Variants in CHST11 observed in about 807,000 individuals in gnomAD.
CHST11 encodes the protein C4S-1.
A neutral mutation model predicts 30.4 loss-of-function variants in CHST11; 9 were observed. The ratio of observed to expected loss-of-function variants is 0.30; its 90% CI spans 0.18 to 0.52. The LOEUF is 0.52. Ranked by LOEUF, CHST11 falls within the 20% of genes least tolerant of loss-of-function variation. The pLI is 0.97. For synonymous variants in CHST11, 152 were observed against 187.8 expected (o/e 0.81, Z 1.56); for missense variants, 348 against 460.6 (o/e 0.76, Z 2.24).
At chr12:104,545,579 G>C (rs191663049) in intron 1 of CHST11, among the ~76,000 whole-genome samples, 2 of 152,308 alleles carry the variant, frequency 1.3e-5, no homozygotes, top group Non-Finnish European at 2.9e-5. Flanking sequence ...TACTATCACT[G>C]TACCAGGTTC....
At chr12:104,699,238 C>A (rs971912890) in intron 2 of CHST11, among the ~76,000 whole-genome samples, 2 of 152,204 alleles carry the variant, frequency 1.3e-5, no homozygotes, top group East Asian at 3.8e-4. Flanking sequence ...CAGATCTGTG[C>A]TTTCCAGTAT....
intron 2 of CHST11, among the ~76,000 whole-genome samples, chr12:104,664,030 C>T (rs1184370018): frequency 6.6e-6 from 1 of 152,198 alleles, no homozygotes; most frequent in Non-Finnish European, 1.5e-5. Context: ...AGATAGGGAC[C>T]TCCATCTTAT....
intron 2 of CHST11, among the ~76,000 whole-genome samples, chr12:104,691,427 G>T (rs2039895190): frequency 2.0e-5 from 3 of 151,594 alleles, no homozygotes; most frequent in Non-Finnish European, 4.4e-5. Context: ...TCTCTTAATG[G>T]TGATGTGTCT....
intron 2 of CHST11, among the ~76,000 whole-genome samples, chr12:104,669,468 C>A (rs1448163979): frequency 6.6e-6 from 1 of 152,038 alleles, no homozygotes; most frequent in Non-Finnish European, 1.5e-5. Context: ...TTCCACTGTC[C>A]CCGAGGCCGG....
intron 1 of CHST11, among the ~76,000 whole-genome samples, chr12:104,537,408 C>A (rs1390251159): frequency 6.6e-6 from 1 of 152,132 alleles, no homozygotes; most frequent in Non-Finnish European, 1.5e-5. Flanking sequence ...TGGGGCCAAG[C>A]AGTTAACAGG....
chr12:104,660,225 C>T (rs1046321558), intron 2 of CHST11, among the ~76,000 whole-genome samples: 2 of 152,166 alleles, frequency 1.3e-5, no homozygotes, highest in Non-Finnish European at 2.9e-5. Flanking sequence ...TGTACAGATG[C>T]TCTGTTCTTA....
chr12:104,629,262 G>A (rs575749095), intron 2 of CHST11, among the ~76,000 whole-genome samples: 18 of 152,312 alleles, frequency 1.2e-4, no homozygotes, highest in Middle Eastern at 3.4e-3. Context: ...TGAGCCAGGA[G>A]TCTGAGTATC....
chr12:104,591,140 G>C (rs1362914556), intron 1 of CHST11, among the ~76,000 whole-genome samples: 1 of 151,420 alleles, frequency 6.6e-6, no homozygotes, highest in Non-Finnish European at 1.5e-5. Context: ...GTTTTTTGGA[G>C]AAAGAGCAAG....
At position 104,759,614 on chromosome 12, in the gene CHST11, C is replaced by CA. The variant is rs748149886; in HGVS notation, c.*1813dup. On this transcript the variant is annotated 3_prime_UTR_variant, in exon 3 of 3. Coordinates refer to ENST00000303694, the MANE Select transcript of CHST11 (RefSeq NM_018413.6). ...TAAGATTGTATTGTAAAGCTCACAG[C>CA]AAGCTCAGTGGGCAGCAGCTGCAAC... 11 of 152,264 alleles carry CA rather than the reference C, an allele frequency of 7.2e-5. No individual in the cohort carries two copies. Among genetic ancestry groups the CA allele is most frequent in the Middle Eastern group, 3.4e-3 (1 of 294 alleles). 9.4% of individuals were successfully genotyped at this position (152,264 alleles called of 1,614,324 possible). A position where few individuals can be genotyped will look rare whatever the true frequency, so the allele number is the denominator to read the frequency against.
intron 1 of CHST11, among the ~76,000 whole-genome samples, chr12:104,560,840 T>G (rs2038506308): frequency 6.6e-6 from 1 of 152,248 alleles, no homozygotes; most frequent in Admixed American, 6.5e-5. Flanking sequence ...ATTCTGGGTC[T>G]CTTGGAATTA....
intron 1 of CHST11, among the ~76,000 whole-genome samples, chr12:104,504,349 G>A (rs1023396405): frequency 1.3e-5 from 2 of 152,254 alleles, no homozygotes. Flanking sequence ...GTGGACTCAG[G>A]CGCAGTGGCA....
At chr12:104,604,546 G>A (rs941178575) in intron 2 of CHST11, among the ~76,000 whole-genome samples, 1 of 152,174 alleles carries the variant, frequency 6.6e-6, no homozygotes, top group Non-Finnish European at 1.5e-5. Context: ...AGGAGAGAAG[G>A]GAGTGAGAGC....
chr12:104,569,620 A>G (rs1268242213), intron 1 of CHST11, among the ~76,000 whole-genome samples: 3 of 152,200 alleles, frequency 2.0e-5, no homozygotes, highest in South Asian at 2.1e-4. Flanking sequence ...GGGTAAGAAC[A>G]TAATGAAGTG....
In CHST11 at chr12:104,749,251, G is replaced by A. The variant is rs554451826; in HGVS notation, c.205-7698G>A. 2.0e-5 allele frequency among the ~76,000 whole-genome samples: 3 copies of A among 152,286 alleles called. 1 individual carries two copies. The South Asian group carries it at 6.2e-4, about 32-fold the overall frequency. On this transcript the variant is annotated intron_variant, in intron 2 of 2. Coordinates refer to ENST00000303694, the MANE Select transcript of CHST11 (RefSeq NM_018413.6). ...AATTTTCCGAGTCCTTTGAAATCTT[G>A]TGCATGTTCCTCTCCAAACAACTGG... is the stretch of plus-strand genomic sequence containing the variant.
In CHST11 at chr12:104,757,797, G is replaced by C; in HGVS notation, c.1053G>C (p.Leu351Phe). 1 of 1,609,100 alleles carries C rather than the reference G, an allele frequency of 6.2e-7. No homozygotes were observed. ...ACTCAGTGCCAAGCTACCTGAAATT[G>C]GAATAAAGGGGGTGGGGAGAGGGAG... The part of the protein sequence containing the change: ...FNYSVPSYLK[L>F]E Residue 351 changes from leucine to phenylalanine, a missense_variant, in exon 3 of 3, where the codon TTG (leucine) becomes TTC (phenylalanine). Transcript: ENST00000303694. This position sits in a 1 kb window ranked among gnomAD's most constrained non-coding sequence, Gnocchi z 6.5.
At chr12:104,742,899 G>C (rs1485049650) in intron 2 of CHST11, among the ~76,000 whole-genome samples, 2 of 152,192 alleles carry the variant, frequency 1.3e-5, no homozygotes, top group African/African-American at 2.4e-5. Flanking sequence ...GAGAGTCCCC[G>C]CTCTTCTCTC....
At chr12:104,654,638 C>G (rs957930524) in intron 2 of CHST11, among the ~76,000 whole-genome samples, 27 of 152,086 alleles carry the variant, frequency 1.8e-4, no homozygotes, top group Non-Finnish European at 7.4e-5. Flanking sequence ...CATGCCACCC[C>G]CTGCCCCCAG....
chr12:104,670,766 C>T (rs1307398467), intron 2 of CHST11, among the ~76,000 whole-genome samples: 1 of 147,836 alleles, frequency 6.8e-6, no homozygotes, highest in East Asian at 2.0e-4. Context: ...ATACACAAAC[C>T]AATACACACC....
At position 104,485,989 on chromosome 12, in the gene CHST11, C is replaced by A. The variant is rs142345409; in HGVS notation, c.118+28460C>A. ...ATAAGTCATCGCACCATTCTGTGTG[C>A]GTGTGTGTGTGGGCATGTGTGTGCA... is the stretch of plus-strand genomic sequence containing the variant. On this transcript the variant is annotated intron_variant, in intron 1 of 2. Transcript: ENST00000303694. 2.0e-3 allele frequency among the ~76,000 whole-genome samples: 298 copies of A among 152,178 alleles called. 2 individuals are homozygous for A. Among genetic ancestry groups the A allele is most frequent in the African/African-American group, 6.5e-3 (271 of 41,514 alleles).
Sources: gnomAD v4.1 joint callset for allele counts (sites outside exome capture counted in the v4.1 genomes callset) on GRCh38, gnomAD v4.1.1 for gene constraint, Gnocchi (gnomAD v3.1) non-coding constraint, MANE v1.5 for transcripts, NCBI Gene and HGNC (gene_info 2026-07-23, HGNC 2026-07-21) for gene names.